SLC25A27: variants seen among roughly 807,000 people sequenced by gnomAD.
The protein encoded by SLC25A27 is mitochondrial uncoupling protein 4.
A neutral mutation model predicts 49.1 loss-of-function variants in SLC25A27; 35 were observed. The observed-to-expected ratio is 0.71, with a 90% CI of 0.54 to 0.95. SLC25A27 has a LOEUF of 0.95. Among genes scored for constraint, SLC25A27 ranks in the 40% least tolerant of loss-of-function variants. The pLI is 0.00. For missense variants in SLC25A27, 339 were observed against 397.1 expected (o/e 0.85, Z 1.24); for synonymous variants, 144 against 136.9 (o/e 1.05, Z -0.36).
rs780793044 is a variant in SLC25A27, at chr6:46,676,399, T to C, written c.917T>C (p.Val306Ala). The change falls in exon 9 of 9, where the codon GTG (valine) becomes GCG (alanine). Residue 306 changes from valine (V) to alanine (A), a missense_variant. Val to Ala is a moderately conservative substitution (Grantham distance 64). Transcript: ENST00000371347. ...SWLRMTPWSM[V>A]FWLTYEKIRE... The stretch of plus-strand genomic sequence containing the variant: ...ATCTTTCAGACCCCTTGGTCAATGG[T>C]GTTCTGGCTTACTTATGAAAAAATC... 3 of 1,613,982 alleles carry C rather than the reference T, an allele frequency of 1.9e-6. No individual in the cohort carries two copies. The highest frequency in any genetic ancestry group is 8.5e-7 in the Non-Finnish European group (1 of 1,179,872).
chr6:46,656,120 G>GT lies in SLC25A27; in HGVS notation c.298+93dup, dbSNP rs1762969591. On this transcript the variant is annotated intron_variant, in intron 2 of 8. Coordinates refer to ENST00000371347, the MANE Select transcript of SLC25A27 (RefSeq NM_004277.5). ...TTTCTGTTTGTCCAAAAACAAGTTA[G>GT]TTTTTTTATCTTACTGATACAATAA... 1.3e-5 allele frequency: 15 copies of GT among 1,115,596 alleles called. No homozygotes were observed. In the East Asian group the frequency reaches 1.8e-4, roughly 13 times the overall value. 69.1% of individuals were successfully genotyped at this position (1,115,596 alleles called of 1,614,324 possible).
intron 1 of SLC25A27, among the ~76,000 whole-genome samples, chr6:46,654,359 C>T (rs1219639235): frequency 1.3e-5 from 2 of 152,182 alleles, no homozygotes; most frequent in Non-Finnish European, 1.5e-5. Context: ...TTTAGCCCCT[C>T]TATTTTTTAA....
intron 1 of SLC25A27, 21 bp from the exon 2 acceptor site, chr6:46,655,822 C>A: frequency 6.2e-7 from 1 of 1,606,190 alleles, no homozygotes; most frequent in South Asian, 1.1e-5. Flanking sequence ...GGGTTTTTCC[C>A]TGCATTTGTG....
At chr6:46,656,142 A>G (rs1046910574) in intron 2 of SLC25A27, 108 bp downstream of exon 2, 18 of 830,740 alleles carry the variant, frequency 2.2e-5, no homozygotes, top group Non-Finnish European at 3.2e-5. Flanking sequence ...TACTGATACA[A>G]TAACTGAACA....
At chr6:46,665,781 G>A (rs769100396) in intron 5 of SLC25A27, among the ~76,000 whole-genome samples, 11 of 152,062 alleles carry the variant, frequency 7.2e-5, no homozygotes, top group African/African-American at 1.2e-4. Context: ...AAACCTCTCC[G>A]CTGGACCACT....
At chr6:46,668,929 G>C in intron 6 of SLC25A27, 136 bp downstream of exon 6, 2 of 551,542 alleles carry the variant, frequency 3.6e-6, no homozygotes, top group South Asian at 5.6e-5. Flanking sequence ...TTTATAAAGA[G>C]AAATTTCTTA....
intron 7 of SLC25A27, among the ~76,000 whole-genome samples, chr6:46,670,746 A>T (rs530101246): frequency 9.2e-5 from 14 of 151,834 alleles, no homozygotes; most frequent in South Asian, 4.2e-4. Context: ...TTATTTATTT[A>T]TTTTTTTTGA....
intron 3 of SLC25A27, among the ~76,000 whole-genome samples, chr6:46,660,454 C>T (rs1763128028): frequency 6.6e-6 from 1 of 152,160 alleles, no homozygotes; most frequent in Admixed American, 6.5e-5. Flanking sequence ...TACTTGTTAA[C>T]ATTTTTGAAC....
intron 2 of SLC25A27, among the ~76,000 whole-genome samples, chr6:46,656,491 A>G (rs1762984883): frequency 2.0e-5 from 3 of 152,070 alleles, no homozygotes; most frequent in African/African-American, 7.2e-5. Flanking sequence ...GATTACAGGC[A>G]CATGCTACCA....
chr6:46,675,303 G>A (rs554979985), intron 8 of SLC25A27, among the ~76,000 whole-genome samples: 1 of 152,070 alleles, frequency 6.6e-6, no homozygotes, highest in African/African-American at 2.4e-5. Flanking sequence ...ATTGCATAGG[G>A]GTTCTTAACT....
intron 8 of SLC25A27, among the ~76,000 whole-genome samples, chr6:46,671,864 C>T (rs936094724): frequency 3.3e-5 from 5 of 151,688 alleles, no homozygotes; most frequent in African/African-American, 4.8e-5. Context: ...AAAGTGCTGA[C>T]GTTTTTTGTA....
chr6:46,662,816 G>T (rs1763202811), intron 4 of SLC25A27, among the ~76,000 whole-genome samples: 1 of 152,170 alleles, frequency 6.6e-6, no homozygotes, highest in Admixed American at 6.5e-5. Context: ...TCTCAATTTT[G>T]CCACTGTGGC....
rs932490337 is a variant in SLC25A27, at chr6:46,671,245, T to G, written c.900+17T>G. 2 of 1,377,206 alleles carry G rather than the reference T, an allele frequency of 1.5e-6. No homozygotes were observed. Among genetic ancestry groups the G allele is most frequent in the Admixed American group, 2.4e-5 (1 of 41,658 alleles). The allele number at this position is 1,377,206 out of a possible 1,614,324, so 85.3% of individuals were successfully genotyped here. A position where few individuals can be genotyped will look rare whatever the true frequency, so the allele number is the denominator to read the frequency against. ...CTGAGAATGGTAAAGTTAGGTTTACTTCCTTTGTTTTTTTTCTTTGTACTT... is the reference window on the plus strand; with the variant it reads ...CTGAGAATGGTAAAGTTAGGTTTACGTCCTTTGTTTTTTTTCTTTGTACTT... On this transcript the variant is annotated intron_variant, in intron 8 of 8. Coordinates refer to ENST00000371347, the MANE Select transcript of SLC25A27 (RefSeq NM_004277.5).
intron 2 of SLC25A27, among the ~76,000 whole-genome samples, chr6:46,656,684 GC>G (rs1337052500): frequency 6.6e-6 from 1 of 152,154 alleles, no homozygotes; most frequent in Non-Finnish European, 1.5e-5. Flanking sequence ...CTCCCAAAGT[GC>G]TAGGATTACA....
chr6:46,675,022 C>A (rs1447511270), intron 8 of SLC25A27, among the ~76,000 whole-genome samples: 1 of 152,192 alleles, frequency 6.6e-6, no homozygotes, highest in Non-Finnish European at 1.5e-5. Flanking sequence ...AATCAGCAAG[C>A]AAACATAGTG....
Position 46,664,288 on chromosome 6 carries a change from C to T in SLC25A27, c.507-486C>T, listed in dbSNP as rs559274029. Among the ~76,000 whole-genome samples, 3 of 152,274 alleles carry T rather than the reference C, an allele frequency of 2.0e-5. No homozygotes were observed. In the South Asian group the frequency reaches 6.2e-4, roughly 32 times the overall value. On this transcript the variant is annotated intron_variant, in intron 4 of 8. Transcript: ENST00000371347. The stretch of plus-strand genomic sequence containing the variant: ...AATTTTTTTGAAGCTAAAATTCTTC[C>T]GTTTTAAGAACTTTTTATGAAATTG...
rs2150649790 is a variant in SLC25A27 at position 46,668,889 on chromosome 6, G to A, written c.704+96G>A. ...TCTTTAGGCTCATTTGATTGGGATTGTACTGGCATCACCTTTAGAGAAGAG... is the reference window on the plus strand; with the variant it reads ...TCTTTAGGCTCATTTGATTGGGATTATACTGGCATCACCTTTAGAGAAGAG... On this transcript the variant is annotated intron_variant, in intron 6 of 8. Coordinates refer to ENST00000371347, the MANE Select transcript of SLC25A27 (RefSeq NM_004277.5). 4.2e-6 allele frequency: 3 copies of A among 717,846 alleles called. No individual in the cohort carries two copies. In the East Asian group the frequency reaches 7.5e-5, roughly 18 times the overall value. 44.5% of individuals were successfully genotyped at this position (717,846 alleles called of 1,614,324 possible).
In SLC25A27 at chr6:46,653,094, C is replaced by G. The variant is rs971573561; in HGVS notation, c.-99C>G. 8.6e-7 allele frequency: 1 copy of G among 1,158,530 alleles called. No homozygotes were observed. The highest frequency in any genetic ancestry group is 1.5e-5 in the African/African-American group (1 of 65,540). 71.8% of individuals were successfully genotyped at this position (1,158,530 alleles called of 1,614,324 possible). ...GAAATGGTCCTCACCCGGCCACTCGCCGGTTGAAAAGGGGCCGCCCTGGCA... is the reference window on the plus strand; with the variant it reads ...GAAATGGTCCTCACCCGGCCACTCGGCGGTTGAAAAGGGGCCGCCCTGGCA... On this transcript the variant is annotated 5_prime_UTR_variant, in exon 1 of 9. Coordinates refer to ENST00000371347, the MANE Select transcript of SLC25A27 (RefSeq NM_004277.5).
chr6:46,656,347 A>AT lies in SLC25A27; in HGVS notation c.298+332dup, dbSNP rs771129922. 5.7e-3 allele frequency among the ~76,000 whole-genome samples: 773 copies of AT among 136,122 alleles called. 5 individuals are homozygous for AT. Among genetic ancestry groups the AT allele is most frequent in the Middle Eastern group, 0.03 (8 of 266 alleles). 89.3% of individuals were successfully genotyped at this position (136,122 alleles called of 152,430 possible). On this transcript the variant is annotated intron_variant, in intron 2 of 8. Transcript: ENST00000371347. ...AGGTGCACGCCACCACACCCAGCTA[A>AT]TTTTTTTTTTTTTTTTTTTAGAGAG...
Sources: gnomAD v4.1 joint callset for allele counts (sites outside exome capture counted in the v4.1 genomes callset) on GRCh38, gnomAD v4.1.1 for gene constraint, MANE v1.5 for transcripts, NCBI Gene and HGNC (gene_info 2026-07-23, HGNC 2026-07-21) for gene names.